Variants in FAM177A1 observed in about 807,000 individuals in gnomAD.
FAM177A1 encodes protein FAM177A1.
A neutral mutation model predicts 26.1 loss-of-function variants in FAM177A1; 22 were observed. The ratio of observed to expected loss-of-function variants is 0.84; its 90% confidence interval spans 0.60 to 1.20. The LOEUF (loss-of-function observed/expected upper bound fraction) is 1.20. Ranked by LOEUF, FAM177A1 falls within the 50% of genes most tolerant of loss-of-function variation. FAM177A1 has a pLI of 0.00. For missense variants in FAM177A1, 296 were observed against 291.1 expected (o/e 1.02, Z -0.12); for synonymous variants, 95 against 99.3 (o/e 0.96, Z 0.26).
intron 2 of FAM177A1, among the ~76,000 whole-genome samples, chr14:35,054,230 CAAAA>C (rs1229360572): frequency 6.6e-6 from 1 of 152,024 alleles, no homozygotes; most frequent in Non-Finnish European, 1.5e-5. Flanking sequence ...CAAAACAAAA[CAAAA>C]CAAAAGTTTG....
chr14:35,078,996 T>C lies in FAM177A1; in HGVS notation c.476T>C (p.Ile159Thr), dbSNP rs753755587. 3 of 1,556,832 alleles carry C rather than the reference T, an allele frequency of 1.9e-6. No homozygotes were observed. Among genetic ancestry groups the C allele is most frequent in the East Asian group, 2.4e-5 (1 of 41,164 alleles). The change falls in exon 4 of 5, where the codon ATT becomes ACT. Residue 159 changes from isoleucine to threonine, a missense_variant. Coordinates refer to ENST00000280987, the MANE Select transcript of FAM177A1 (RefSeq NM_173607.5). ...AGCACCCCAAAGTACCAATATGCCATTGATGAATATTATCGGATGAAGAAG... is the reference window on the plus strand; with the variant it reads ...AGCACCCCAAAGTACCAATATGCCACTGATGAATATTATCGGATGAAGAAG... ...GISTPKYQYAIDEYYRMKKEE... is the reference protein window; with the variant it reads ...GISTPKYQYATDEYYRMKKEE...
upstream of FAM177A1, chr14:35,046,262 T>TG (rs1161450335): frequency 2.0e-6 from 1 of 493,406 alleles, no homozygotes; most frequent in African/African-American, 2.0e-5. Flanking sequence ...AGCCGGTAGT[T>TG]GCGCCTCCCA....
In FAM177A1 at chr14:35,068,595, T is replaced by G. The variant is rs112422510; in HGVS notation, c.340-8555T>G. ...ATTATATGCCATGGGTAACTGGATT[T>G]TCTACTAAGGCCACAGCTACTATTG... On this transcript the variant is annotated intron_variant, in intron 2 of 4. Coordinates refer to ENST00000280987, the MANE Select transcript of FAM177A1 (RefSeq NM_173607.5). Among the ~76,000 whole-genome samples the G allele has an allele frequency of 5.8e-3, 883 of 152,346 alleles. 9 individuals carry two copies. Among genetic ancestry groups the G allele is most frequent in the South Asian group, 0.048 (232 of 4,828 alleles).
intron 2 of FAM177A1, among the ~76,000 whole-genome samples, chr14:35,072,361 C>G (rs541272013): frequency 6.6e-6 from 1 of 152,122 alleles, no homozygotes; most frequent in Admixed American, 6.6e-5. Context: ...GGAAGTGGAT[C>G]ATCATCATAA....
chr14:35,046,805 C>T, intron 1 of FAM177A1, 177 bp downstream of exon 1: 2 of 1,378,106 alleles, frequency 1.5e-6, no homozygotes, highest in South Asian at 1.6e-5. Flanking sequence ...AAGGAGCGCC[C>T]CCCGCCTCAC....
chr14:35,066,819 G>A (rs1233695692), intron 2 of FAM177A1, among the ~76,000 whole-genome samples: 1 of 149,530 alleles, frequency 6.7e-6, no homozygotes, highest in Admixed American at 6.7e-5. Flanking sequence ...TTTTTGAGAC[G>A]GAGTTTTGCT....
chr14:35,061,562 A>G (rs374073789), intron 2 of FAM177A1, among the ~76,000 whole-genome samples: 1 of 107,384 alleles, frequency 9.3e-6, no homozygotes, highest in Non-Finnish European at 1.7e-5. Context: ...GAATTGAACA[A>G]TGAGAACACA....
At chr14:35,077,658 A>G (rs990861546) in intron 3 of FAM177A1, among the ~76,000 whole-genome samples, 1 of 151,104 alleles carries the variant, frequency 6.6e-6, no homozygotes, top group Admixed American at 6.6e-5. Flanking sequence ...AATTTTTTGT[A>G]TTTTTAGTAG....
At chr14:35,066,847 G>A (rs922032724) in intron 2 of FAM177A1, among the ~76,000 whole-genome samples, 1 of 151,192 alleles carries the variant, frequency 6.6e-6, no homozygotes, top group Non-Finnish European at 1.5e-5. Context: ...AAGCTGGAGC[G>A]CAATGGCACA....
At chr14:35,070,333 A>AT (rs897023108) in intron 2 of FAM177A1, among the ~76,000 whole-genome samples, 43 of 140,850 alleles carry the variant, frequency 3.1e-4, no homozygotes, top group African/African-American at 7.7e-4. Flanking sequence ...CTATAACAAT[A>AT]TTTTTTTTTT....
At chr14:35,060,658 T>G (rs2045137540) in intron 2 of FAM177A1, among the ~76,000 whole-genome samples, 1 of 152,170 alleles carries the variant, frequency 6.6e-6, no homozygotes. Flanking sequence ...TGAAGTCTAT[T>G]CTCCACTCCT....
At chr14:35,047,543 G>A (rs1479426783) in intron 1 of FAM177A1, among the ~76,000 whole-genome samples, 1 of 152,200 alleles carries the variant, frequency 6.6e-6, no homozygotes, top group African/African-American at 2.4e-5. Flanking sequence ...GAGGTCAGGA[G>A]TTCAAGACCA....
chr14:35,053,491 GT>G, intron 2 of FAM177A1, 40 bp downstream of exon 2: 1 of 1,596,076 alleles, frequency 6.3e-7, no homozygotes, highest in Non-Finnish European at 8.5e-7. Flanking sequence ...AGTGGGCTTT[GT>G]TTTGATTTAT....
At chr14:35,077,050 A>C in intron 2 of FAM177A1, 100 bp from the exon 3 acceptor site, 1 of 889,268 alleles carries the variant, frequency 1.1e-6, no homozygotes, top group South Asian at 1.3e-5. Flanking sequence ...TGCCTATAGA[A>C]TATTCTCGGT....
chr14:35,081,261 G>C lies in FAM177A1; in HGVS notation c.*33G>C, dbSNP rs371353956. 2.4e-6 allele frequency: 3 copies of C among 1,251,986 alleles called. No homozygotes were observed. The highest frequency in any genetic ancestry group is 3.2e-6 in the Non-Finnish European group (3 of 940,112). 77.6% of individuals were successfully genotyped at this position (1,251,986 alleles called of 1,614,324 possible). On this transcript the variant is annotated 3_prime_UTR_variant, in exon 5 of 5. Coordinates refer to ENST00000280987, the MANE Select transcript of FAM177A1 (RefSeq NM_173607.5). ...TGACTATCAAGCTTCAAACTCTTAA[G>C]TTTTTTTTTTTTAATACAAAAACTT...
chr14:35,080,984 G>A (rs1356393398), intron 4 of FAM177A1, 38 bp from the exon 5 acceptor site: 13 of 1,507,336 alleles, frequency 8.6e-6, no homozygotes, highest in African/African-American at 1.5e-5. Context: ...TTGGACTTTC[G>A]TATTTCAACT....
chr14:35,055,796 A>C (rs1390689763), intron 2 of FAM177A1, among the ~76,000 whole-genome samples: 1 of 152,120 alleles, frequency 6.6e-6, no homozygotes, highest in African/African-American at 2.4e-5. Context: ...TCCTACCAGC[A>C]GTGTGTAAGG....
chr14:35,052,279 CTG>C lies in FAM177A1; in HGVS notation c.166-997_166-996del, dbSNP rs2044984592. Among the ~76,000 whole-genome samples, 3 of 151,154 alleles carry C rather than the reference CTG, an allele frequency of 2.0e-5. No homozygotes were observed. In the South Asian group the frequency reaches 6.2e-4, roughly 31 times the overall value. ...TTTTTTTCCGAGATGGAGTCTTGCTCTGTTGCCCAGACTGGAGTGCAGTGGCG... is the reference window on the plus strand; with the variant it reads ...TTTTTTTCCGAGATGGAGTCTTGCTCTTGCCCAGACTGGAGTGCAGTGGCG... On this transcript the variant is annotated intron_variant, in intron 1 of 4. Transcript: ENST00000280987.
chr14:35,053,927 A>G (rs1390531095), intron 2 of FAM177A1, among the ~76,000 whole-genome samples: 1 of 152,166 alleles, frequency 6.6e-6, no homozygotes, highest in Non-Finnish European at 1.5e-5. Flanking sequence ...TGGGAGGTGG[A>G]GGTTGCGGTG....
Sources: gnomAD v4.1 joint callset for allele counts (sites outside exome capture counted in the v4.1 genomes callset) on GRCh38, gnomAD v4.1.1 for gene constraint, MANE v1.5 for transcripts, NCBI Gene and HGNC (gene_info 2026-07-23, HGNC 2026-07-21) for gene names.